Variants in LRP3 observed in about 807,000 individuals in gnomAD.
The protein encoded by LRP3 is low-density lipoprotein receptor-related protein 3.
A neutral mutation model predicts 58.5 loss-of-function variants in LRP3; 49 were observed. The ratio of observed to expected loss-of-function variants is 0.84; its 90% confidence interval spans 0.67 to 1.06. The LOEUF (loss-of-function observed/expected upper bound fraction) is 1.06, where lower values mean the gene tolerates loss of function less well. Ranked by LOEUF, LRP3 falls within the 50% of genes least tolerant of loss-of-function variation. The pLI, the probability that LRP3 is intolerant of heterozygous loss-of-function variation, is 0.00. For synonymous variants in LRP3, 485 were observed against 492.2 expected (o/e 0.99, Z 0.20); for missense variants, 1,019 against 1,134.2 (o/e 0.90, Z 1.46).
Position 33,206,723 on chromosome 19 carries a change from G to A in LRP3, c.1715G>A (p.Ser572Asn), listed in dbSNP as rs1228345821. ...IPPVEDFPVY[S>N]ASQASVLQNL... ...CCCGTGGAGGACTTTCCTGTCTACAGTGCGTCCCAGGTGAGCCCCCGGAGG... is the reference window on the plus strand; with the variant it reads ...CCCGTGGAGGACTTTCCTGTCTACAATGCGTCCCAGGTGAGCCCCCGGAGG... The change falls in exon 6 of 7, where the codon AGT becomes AAT. Residue 572 changes from serine to asparagine, a missense_variant. By Grantham distance (46) the Ser-to-Asn change is conservative. Around this residue, in one of 2 missense-constraint regions of LRP3, gnomAD observed 427 missense variants for 408.6 expected, o/e 1.04. Coordinates refer to ENST00000253193, the MANE Select transcript of LRP3 (RefSeq NM_002333.4). 3.3e-6 allele frequency: 5 copies of A among 1,524,326 alleles called. No individual in the cohort carries two copies. The East Asian group carries it at 9.1e-5, about 28-fold the overall frequency. The allele number at this position is 1,524,326 out of a possible 1,614,324, so 94.4% of individuals were successfully genotyped here.
intron 3 of LRP3, 170 bp from the exon 4 acceptor site, chr19:33,204,468 G>A (rs1413117727): frequency 2.2e-5 from 14 of 640,166 alleles, no homozygotes; most frequent in Non-Finnish European, 3.6e-5. Flanking sequence ...GGGACAGAGT[G>A]GCTGGGAGTG....
chr19:33,206,932 A>T, intron 6 of LRP3, 56 bp from the exon 7 acceptor site: 1 of 1,314,506 alleles, frequency 7.6e-7, no homozygotes, highest in African/African-American at 1.5e-5. Context: ...GCCCCTGAGC[A>T]GCCTGTCTGC....
At chr19:33,203,366 A>G (rs756723973) in intron 3 of LRP3, among the ~76,000 whole-genome samples, 24 of 152,130 alleles carry the variant, frequency 1.6e-4, no homozygotes, top group Non-Finnish European at 3.4e-4. Context: ...GTGCTTGTGT[A>G]CATGGAAAAG....
rs541781296 is a variant in LRP3, at chr19:33,202,775, C to T, written c.122-73C>T. ...ACCATGGGGGAGGCCTGTGCTGAAG[C>T]CCCCTTCCCCCCACTGCAACCCGCA... On this transcript the variant is annotated intron_variant, in intron 2 of 6. Transcript: ENST00000253193. 4.9e-5 allele frequency: 73 copies of T among 1,478,466 alleles called. 1 individual carries two copies. In the African/African-American group the frequency reaches 6.9e-4, roughly 14 times the overall value. 91.6% of individuals were successfully genotyped at this position (1,478,466 alleles called of 1,614,324 possible). A position where few individuals can be genotyped will look rare whatever the true frequency, so the allele number is the denominator to read the frequency against.
chr19:33,203,454 G>C (rs1252305242), intron 3 of LRP3, among the ~76,000 whole-genome samples: 1 of 152,206 alleles, frequency 6.6e-6, no homozygotes, highest in Non-Finnish European at 1.5e-5. Flanking sequence ...AGCCATGCCT[G>C]CAAAGGTGCA....
chr19:33,195,069 G>T (rs1974271972), intron 1 of LRP3, among the ~76,000 whole-genome samples: 1 of 151,884 alleles, frequency 6.6e-6, no homozygotes, highest in Non-Finnish European at 1.5e-5. Flanking sequence ...CTCCCGCCCC[G>T]CTCGGAGTAG....
At position 33,207,141 on chromosome 19, in the gene LRP3, G is replaced by T; in HGVS notation, c.1879G>T (p.Ala627Ser). 1.3e-6 allele frequency: 2 copies of T among 1,532,562 alleles called. No homozygotes were observed. Among genetic ancestry groups the T allele is most frequent in the East Asian group, 2.4e-5 (1 of 40,960 alleles). 94.9% of individuals were successfully genotyped at this position (1,532,562 alleles called of 1,614,324 possible). A position where few individuals can be genotyped will look rare whatever the true frequency, so the allele number is the denominator to read the frequency against. The change falls in exon 7 of 7, where the codon GCA becomes TCA. Residue 627 changes from alanine to serine, a missense_variant. Around this residue, in one of 2 missense-constraint regions of LRP3, gnomAD observed 427 missense variants for 408.6 expected, o/e 1.04. Transcript: ENST00000253193. ...CCGAGGCCAGATCCCACTGCTGACC[G>T]CAGCACGCCCCTCACAGACCGTGCT... ...APRGQIPLLT[A>S]ARPSQTVLGD...
At chr19:33,206,861 T>TGG in intron 6 of LRP3, 127 bp from the exon 7 acceptor site, 1 of 1,215,176 alleles carries the variant, frequency 8.2e-7, no homozygotes. Flanking sequence ...CATGGCCAGG[T>TGG]GGGGGGGGTG....
chr19:33,199,063 T>C (rs1974314266), intron 2 of LRP3, among the ~76,000 whole-genome samples: 1 of 152,172 alleles, frequency 6.6e-6, no homozygotes. Flanking sequence ...ATCTTCTGCC[T>C]GAGAGAAGTC....
chr19:33,197,550 C>T (rs1433107370), intron 2 of LRP3, among the ~76,000 whole-genome samples: 1 of 152,162 alleles, frequency 6.6e-6, no homozygotes, highest in Non-Finnish European at 1.5e-5. Context: ...TTGCTTGAGC[C>T]CAGGAGTTTG....
At chr19:33,196,656 G>A in intron 1 of LRP3, 74 bp from the exon 2 acceptor site, 1 of 1,370,306 alleles carries the variant, frequency 7.3e-7, no homozygotes, top group Non-Finnish European at 1.0e-6. Context: ...TTTAGCTGTG[G>A]TGTCCCTCAT....
intron 3 of LRP3, chr19:33,204,335 G>T (rs8100642): frequency 0.44 from 168,334 of 382,300 alleles, 45,404 homozygotes; most frequent in Non-Finnish European, 0.57. Flanking sequence ...CTTCGGCTTC[G>T]GGCTGGGGGT....
chr19:33,197,796 G>A (rs1974301076), intron 2 of LRP3, among the ~76,000 whole-genome samples: 2 of 152,290 alleles, frequency 1.3e-5, no homozygotes, highest in South Asian at 4.1e-4. Context: ...TCAGGCAGCG[G>A]GACCCCTGCT....
At chr19:33,196,444 G>A (rs1433164031) in intron 1 of LRP3, among the ~76,000 whole-genome samples, 2 of 152,234 alleles carry the variant, frequency 1.3e-5, no homozygotes, top group Non-Finnish European at 2.9e-5. Context: ...TGTAGTTCCA[G>A]CTACTTGGGA....
At position 33,208,814 on chromosome 19, in the gene LRP3, CA is replaced by C. The variant is rs1974465546; in HGVS notation, c.*1243del. The C allele has an allele frequency of 7.6e-6, 12 of 1,575,796 alleles. No homozygotes were observed. The South Asian group carries it at 1.4e-4, about 18-fold the overall frequency. On this transcript the variant is annotated 3_prime_UTR_variant, in exon 7 of 7. Coordinates refer to ENST00000253193, the MANE Select transcript of LRP3 (RefSeq NM_002333.4). The surrounding 1 kb of genome is among the most constrained non-coding windows in gnomAD (Gnocchi z 4.7). ...CTTTTTTTTCCAGAAAAAAACAAAA[CA>C]AAACTTTTTTGCCAAAACACCTCCT...
chr19:33,201,409 G>A (rs768450659), intron 2 of LRP3, among the ~76,000 whole-genome samples: 9 of 124,752 alleles, frequency 7.2e-5, no homozygotes, highest in African/African-American at 4.4e-5. Context: ...GGAGAGGTCC[G>A]GGGGGCTAGG....
In LRP3 at chr19:33,208,775, G is replaced by A. The variant is rs1216524923; in HGVS notation, c.*1200G>A. The stretch of plus-strand genomic sequence containing the variant: ...GGCTTCCTTAAACAGGCTTCTGAGA[G>A]TCGTATCTTTTTTCTTTTTTTTCCA... On this transcript the variant is annotated 3_prime_UTR_variant, in exon 7 of 7. Coordinates refer to ENST00000253193, the MANE Select transcript of LRP3 (RefSeq NM_002333.4). This position sits in a 1 kb window ranked among gnomAD's most constrained non-coding sequence, Gnocchi z 4.7. 5.0e-6 allele frequency: 7 copies of A among 1,403,576 alleles called. No individual in the cohort carries two copies. The East Asian group carries it at 1.4e-4, about 28-fold the overall frequency. The allele number at this position is 1,403,576 out of a possible 1,614,324, so 86.9% of individuals were successfully genotyped here.
chr19:33,206,919 C>A, intron 6 of LRP3, 69 bp from the exon 7 acceptor site: 1 of 1,273,322 alleles, frequency 7.9e-7, no homozygotes, highest in Non-Finnish European at 1.1e-6. Flanking sequence ...TGTGCTGTCT[C>A]CTGCCCCTGA....
In LRP3 at chr19:33,205,967, T is replaced by C. The variant is rs1599938041; in HGVS notation, c.1197T>C (p.Asp399=). ...GCTTCTCAGAGCCACAGCGCTGTGATGGCTGGTGGCATTGTGCCAGCGGCC... is the reference window on the plus strand; with the variant it reads ...GCTTCTCAGAGCCACAGCGCTGTGACGGCTGGTGGCATTGTGCCAGCGGCC... ...QGCFSEPQRC[D]GWWHCASGRD... is the part of the protein sequence containing the mutation. Residue 399 remains aspartate (D), a synonymous_variant, in exon 5 of 7, where the codon GAT becomes GAC. Transcript: ENST00000253193. 6 of 1,582,530 alleles carry C rather than the reference T, an allele frequency of 3.8e-6. No homozygotes were observed. Among genetic ancestry groups the C allele is most frequent in the African/African-American group, 1.3e-5 (1 of 74,626 alleles).
Sources: gnomAD v4.1 joint callset for allele counts (sites outside exome capture counted in the v4.1 genomes callset) on GRCh38, gnomAD v4.1.1 for gene constraint, gnomAD v4.1.1 regional missense constraint, Gnocchi (gnomAD v3.1) non-coding constraint, MANE v1.5 for transcripts, NCBI Gene and HGNC (gene_info 2026-07-23, HGNC 2026-07-21) for gene names.